Variants in FA2H observed in about 807,000 individuals in gnomAD.
FA2H encodes fatty acid alpha-hydroxylase.
A neutral mutation model predicts 44.9 loss-of-function variants in FA2H; 22 were observed. The ratio of observed to expected loss-of-function variants is 0.49; its 90% CI spans 0.35 to 0.70. FA2H has a LOEUF of 0.70. FA2H is among the 30% of genes least tolerant of loss of function. The probability of loss-of-function intolerance (pLI) is 0.01; values close to 1 mark genes in which losing one functional copy is unlikely to be tolerated. For missense variants in FA2H, 501 were observed against 504.9 expected (o/e 0.99, Z 0.07); for synonymous variants, 243 against 213.2 (o/e 1.14, Z -1.22).
chr16:74,759,121 T>C (rs189268743), intron 1 of FA2H, among the ~76,000 whole-genome samples: 1 of 152,360 alleles, frequency 6.6e-6, no homozygotes, highest in Non-Finnish European at 1.5e-5. Context: ...TATACTCTTA[T>C]CCTGAAGGAG....
At chr16:74,768,000 G>T (rs1049044911) in intron 1 of FA2H, among the ~76,000 whole-genome samples, 1 of 152,130 alleles carries the variant, frequency 6.6e-6, no homozygotes, top group Non-Finnish European at 1.5e-5. Flanking sequence ...CGCCAGCAAG[G>T]GCTGTTTCTG....
chr16:74,740,224 G>A, intron 1 of FA2H, 109 bp from the exon 2 acceptor site: 5 of 836,632 alleles, frequency 6.0e-6, no homozygotes, highest in Non-Finnish European at 2.1e-6. Flanking sequence ...CCCCGTGGGT[G>A]GGGCAGGGTG....
At chr16:74,726,384 G>A in intron 3 of FA2H, 53 bp from the exon 4 acceptor site, 2 of 1,142,360 alleles carry the variant, frequency 1.8e-6, no homozygotes, top group Non-Finnish European at 1.3e-6. Flanking sequence ...GCTTGACAGA[G>A]TACAGCTTTC....
intron 1 of FA2H, among the ~76,000 whole-genome samples, chr16:74,773,824 G>C (rs1286918098): frequency 6.6e-6 from 1 of 152,182 alleles, no homozygotes; most frequent in Non-Finnish European, 1.5e-5. Context: ...CCAAAGTGCT[G>C]GTCCCTTTTC....
chr16:74,745,445 C>G (rs1316058403), intron 1 of FA2H, among the ~76,000 whole-genome samples: 1 of 152,180 alleles, frequency 6.6e-6, no homozygotes, highest in South Asian at 2.1e-4. Flanking sequence ...GCCACCGATG[C>G]GTGGGGAGGG....
chr16:74,735,554 G>T (rs1047452072), intron 2 of FA2H, among the ~76,000 whole-genome samples: 3 of 152,352 alleles, frequency 2.0e-5, no homozygotes, highest in Admixed American at 6.5e-5. Flanking sequence ...GCAGAAAGCA[G>T]GCATGACCTC....
rs571788966 is a variant in FA2H, at chr16:74,760,339, T to C, written c.270+14147A>G. Among the ~76,000 whole-genome samples, 9 of 152,288 alleles carry C rather than the reference T, an allele frequency of 5.9e-5. No homozygotes were observed. The South Asian group carries it at 1.7e-3, about 28-fold the overall frequency. ...CAGGCCCTAATGCTCATAAAGGAAG[T>C]ATTCTCTAGACTGGCTAAACTAAAA... On this transcript the variant is annotated intron_variant, in intron 1 of 6. Coordinates refer to ENST00000219368, the MANE Select transcript of FA2H (RefSeq NM_024306.5).
chr16:74,734,398 G>A (rs1377901206), intron 2 of FA2H, among the ~76,000 whole-genome samples: 1 of 152,260 alleles, frequency 6.6e-6, no homozygotes, highest in Non-Finnish European at 1.5e-5. Context: ...TGGGGTGGAG[G>A]GATTTTTTGG....
intron 1 of FA2H, among the ~76,000 whole-genome samples, chr16:74,757,942 C>CG (rs1279607054): frequency 1.3e-5 from 2 of 151,866 alleles, no homozygotes; most frequent in South Asian, 2.1e-4. Flanking sequence ...TCACCTGAGC[C>CG]GGGGAGGTCA....
chr16:74,773,713 G>A (rs572124026), intron 1 of FA2H, among the ~76,000 whole-genome samples: 1 of 152,322 alleles, frequency 6.6e-6, no homozygotes, highest in African/African-American at 2.4e-5. Flanking sequence ...TCCATATCCT[G>A]AAATGGGAAT....
Position 74,774,490 on chromosome 16 carries a change from T to G in FA2H, c.266A>C (p.Gln89Pro). Residue 89 changes from glutamine (Q) to proline (P), a missense_variant, in exon 1 of 7, where the codon CAG becomes CCG. Coordinates refer to ENST00000219368, the MANE Select transcript of FA2H (RefSeq NM_024306.5). ...QYYVGELRGE[Q>P]QGSMENEPVA... Reference sequence around the variant, plus strand: ...GGGGCCCCGGCCCGGCTGTACCTGCTGCTCCCCGCGGAGCTCTCCCACGTA... The same window carrying G: ...GGGGCCCCGGCCCGGCTGTACCTGCGGCTCCCCGCGGAGCTCTCCCACGTA... 6.6e-7 allele frequency: 1 copy of G among 1,516,416 alleles called. No individual in the cohort carries two copies. Among genetic ancestry groups the G allele is most frequent in the South Asian group, 1.3e-5 (1 of 78,702 alleles). The allele number at this position is 1,516,416 out of a possible 1,614,324, so 93.9% of individuals were successfully genotyped here.
At chr16:74,736,364 G>A (rs1233136467) in intron 2 of FA2H, among the ~76,000 whole-genome samples, 1 of 152,200 alleles carries the variant, frequency 6.6e-6, no homozygotes, top group African/African-American at 2.4e-5. Flanking sequence ...CAGGCAGGGT[G>A]CCTAGAGGAG....
chr16:74,758,581 C>A (rs1454365472), intron 1 of FA2H, among the ~76,000 whole-genome samples: 1 of 152,014 alleles, frequency 6.6e-6, no homozygotes, highest in Non-Finnish European at 1.5e-5. Flanking sequence ...AAAACTTTGA[C>A]ATCAATCCTA....
chr16:74,741,824 GTGTGTGTGTGTGTAT>G (rs1180909659), intron 1 of FA2H, among the ~76,000 whole-genome samples: 10 of 103,060 alleles, frequency 9.7e-5, no homozygotes, highest in Non-Finnish European at 1.8e-4. Flanking sequence ...GTGTGTGTGT[GTGTGTGTGTGTGTAT>G]GTGTGTGTAT....
At chr16:74,747,673 T>A (rs114883668) in intron 1 of FA2H, among the ~76,000 whole-genome samples, 319 of 151,954 alleles carry the variant, frequency 2.1e-3, no homozygotes, top group African/African-American at 7.5e-3. Flanking sequence ...CCAAGGATGG[T>A]CAAGAGCAGC....
chr16:74,768,053 T>C (rs531813532), intron 1 of FA2H, among the ~76,000 whole-genome samples: 2 of 152,246 alleles, frequency 1.3e-5, no homozygotes, highest in East Asian at 3.9e-4. Flanking sequence ...TTATCACCTG[T>C]CTAAATAAAT....
intron 1 of FA2H, among the ~76,000 whole-genome samples, chr16:74,760,552 C>A (rs556988774): frequency 1.3e-5 from 2 of 152,106 alleles, no homozygotes; most frequent in Non-Finnish European, 2.9e-5. Context: ...AGTAACTGAG[C>A]GTGCAGGGAG....
chr16:74,752,792 G>T (rs1260229347), intron 1 of FA2H, among the ~76,000 whole-genome samples: 1 of 152,212 alleles, frequency 6.6e-6, no homozygotes, highest in Admixed American at 6.5e-5. Flanking sequence ...CACCTTTGGG[G>T]ACTGTCCTTC....
At chr16:74,726,422 C>T (rs1259850592) in intron 3 of FA2H, 91 bp from the exon 4 acceptor site, 2 of 854,146 alleles carry the variant, frequency 2.3e-6, no homozygotes, top group Admixed American at 4.1e-5. Context: ...GAGTTTCACT[C>T]TTGTTGCCCA....
Sources: allele counts gnomAD v4.1 joint callset (sites outside exome capture counted in the v4.1 genomes callset), GRCh38; gene constraint gnomAD v4.1.1; transcripts MANE v1.5; gene names NCBI Gene and HGNC (gene_info 2026-07-23, HGNC 2026-07-21).